Variants in ZNF385D observed in about 807,000 individuals in gnomAD.
ZNF385D encodes the protein zinc finger protein 659.
A neutral mutation model predicts 35.8 loss-of-function variants in ZNF385D; 15 were observed. The ratio of observed to expected loss-of-function variants is 0.42; its 90% CI spans 0.28 to 0.64. ZNF385D has a LOEUF of 0.64. ZNF385D is among the 30% of genes least tolerant of loss of function. The probability of loss-of-function intolerance (pLI) is 0.23; values close to 1 mark genes in which losing one functional copy is unlikely to be tolerated. For synonymous variants in ZNF385D, 212 were observed against 186.8 expected (o/e 1.13, Z -1.10); for missense variants, 474 against 494.6 (o/e 0.96, Z 0.39).
chr3:22,159,898 A>G (rs959732592), intron 3 of ZNF385D, among the ~76,000 whole-genome samples: 1 of 152,062 alleles, frequency 6.6e-6, no homozygotes, highest in East Asian at 1.9e-4. Flanking sequence ...ACATTTCAAT[A>G]TATCATATGC....
Position 22,016,935 on chromosome 3 carries a change from GACACACACACACACACACACAA to G in ZNF385D, c.325+151860_325+151881del, listed in dbSNP as rs1254838075. ...ATCTATCCTGTCCATCCATCCATCG[GACACACACACACACACACACAA>G]ACACACACACACACTTTCTCATTTA... is the stretch of plus-strand genomic sequence containing the variant. On this transcript the variant is annotated intron_variant, in intron 3 of 5. Coordinates refer to the ZNF385D transcript ENST00000494108. Among the ~76,000 whole-genome samples the G allele has an allele frequency of 5.0e-3, 742 of 148,870 alleles. 10 individuals are homozygous for G. Among genetic ancestry groups the G allele is most frequent in the Non-Finnish European group, 3.9e-3 (264 of 66,930 alleles).
At chr3:21,877,120 A>G (rs1005720974) in intron 3 of ZNF385D, among the ~76,000 whole-genome samples, 21 of 152,106 alleles carry the variant, frequency 1.4e-4, no homozygotes, top group African/African-American at 4.3e-4. Context: ...TGACCTGTAC[A>G]GGAAAAAGGC....
intron 2 of ZNF385D, among the ~76,000 whole-genome samples, chr3:22,237,650 T>G (rs147320344): frequency 3.8e-4 from 58 of 152,186 alleles, no homozygotes; most frequent in Non-Finnish European, 6.9e-4. Flanking sequence ...AATTTAGACC[T>G]TATTTTATTT....
chr3:22,164,401 G>T (rs1235105296), intron 3 of ZNF385D, among the ~76,000 whole-genome samples: 1 of 151,398 alleles, frequency 6.6e-6, no homozygotes, highest in Non-Finnish European at 1.5e-5. Context: ...GCTAATTTTT[G>T]TATTTTTAGT....
intron 1 of ZNF385D, among the ~76,000 whole-genome samples, chr3:21,692,019 T>C (rs2067303010): frequency 6.6e-6 from 1 of 152,210 alleles, no homozygotes; most frequent in African/African-American, 2.4e-5. Flanking sequence ...CTTAGCATAA[T>C]GTTTTCAAGA....
chr3:22,237,946 T>G, intron 2 of ZNF385D, among the ~76,000 whole-genome samples: 1 of 151,050 alleles, frequency 6.6e-6, no homozygotes, highest in Non-Finnish European at 1.5e-5. Context: ...CTGGGCAAAT[T>G]TAGACCTTTA....
intron 3 of ZNF385D, among the ~76,000 whole-genome samples, chr3:22,064,447 A>G (rs1025104315): frequency 6.6e-6 from 1 of 151,560 alleles, no homozygotes; most frequent in African/African-American, 2.4e-5. Flanking sequence ...TATATACCCC[A>G]AAAAATTAAA....
At chr3:21,692,783 T>C (rs980853373) in intron 1 of ZNF385D, among the ~76,000 whole-genome samples, 7 of 152,190 alleles carry the variant, frequency 4.6e-5, no homozygotes, top group East Asian at 1.9e-4. Flanking sequence ...AGGTCAGAAG[T>C]TGCCTTTGTG....
chr3:22,216,596 TA>T (rs1334516915), intron 2 of ZNF385D, among the ~76,000 whole-genome samples: 1 of 152,112 alleles, frequency 6.6e-6, no homozygotes, highest in East Asian at 1.9e-4. Context: ...CGTTTTGATT[TA>T]AAAAGTTCAT....
At chr3:22,310,158 C>T (rs1703460234) in intron 2 of ZNF385D, among the ~76,000 whole-genome samples, 1 of 151,914 alleles carries the variant, frequency 6.6e-6, no homozygotes, top group Non-Finnish European at 1.5e-5. Flanking sequence ...GACATTATAG[C>T]ATAAAGGTTA....
At chr3:22,184,784 A>G (rs919589442) in intron 2 of ZNF385D, among the ~76,000 whole-genome samples, 2 of 152,116 alleles carry the variant, frequency 1.3e-5, no homozygotes, top group African/African-American at 2.4e-5. Flanking sequence ...CCCGGGTGAC[A>G]AGAGTGAAAC....
chr3:21,638,134 T>G (rs1208240593), intron 2 of ZNF385D, among the ~76,000 whole-genome samples: 1 of 151,964 alleles, frequency 6.6e-6, no homozygotes, highest in Non-Finnish European at 1.5e-5. Context: ...CCAACAAATA[T>G]GAACAAATTC....
intron 3 of ZNF385D, among the ~76,000 whole-genome samples, chr3:21,786,329 C>G (rs920934326): frequency 3.9e-5 from 6 of 152,126 alleles, no homozygotes; most frequent in African/African-American, 1.4e-4. Context: ...TTTGACCGTC[C>G]CAGTCCAAGA....
chr3:21,927,733 A>G (rs1700802104), intron 3 of ZNF385D, among the ~76,000 whole-genome samples: 1 of 152,200 alleles, frequency 6.6e-6, no homozygotes, highest in Non-Finnish European at 1.5e-5. Context: ...ATGTTACTAG[A>G]GACAGTGATG....
intron 1 of ZNF385D, among the ~76,000 whole-genome samples, chr3:21,690,762 C>G (rs1349572049): frequency 6.6e-6 from 1 of 152,156 alleles, no homozygotes; most frequent in Non-Finnish European, 1.5e-5. Context: ...CCACCCTAGA[C>G]CTATGGAATC....
chr3:21,932,063 A>G (rs1701035927), intron 3 of ZNF385D, among the ~76,000 whole-genome samples: 1 of 146,850 alleles, frequency 6.8e-6, no homozygotes, highest in African/African-American at 2.5e-5. Context: ...GCTACTCGGG[A>G]GGCTGAGGCA....
At chr3:21,635,953 T>G (rs1443201427) in intron 2 of ZNF385D, among the ~76,000 whole-genome samples, 1 of 152,076 alleles carries the variant, frequency 6.6e-6, no homozygotes, top group Non-Finnish European at 1.5e-5. Context: ...TTTATCCACT[T>G]GTTGATTGAT....
chr3:21,512,634 A>G (rs149479700), intron 3 of ZNF385D, among the ~76,000 whole-genome samples: 2 of 152,338 alleles, frequency 1.3e-5, no homozygotes, highest in African/African-American at 4.8e-5. Context: ...ATCAGTTACA[A>G]GTTTTCCAAC....
intron 3 of ZNF385D, among the ~76,000 whole-genome samples, chr3:22,128,434 T>C (rs1054873653): frequency 2.6e-5 from 4 of 152,218 alleles, no homozygotes; most frequent in African/African-American, 9.6e-5. Flanking sequence ...TATCTTTCTC[T>C]AGGTTTAGAA....
Sources: allele counts gnomAD v4.1 joint callset (sites outside exome capture counted in the v4.1 genomes callset), GRCh38; gene constraint gnomAD v4.1.1; transcripts MANE v1.5; gene names NCBI Gene and HGNC (gene_info 2026-07-23, HGNC 2026-07-21).